PCDHA1: variants seen among roughly 807,000 people sequenced by gnomAD.
PCDHA1 encodes the protein protocadherin alpha 1.
PCDHA1 carries 42 observed loss-of-function variants against 61.3 expected under a neutral mutation model. That is an observed-to-expected ratio of 0.69 (90% CI 0.54 to 0.89). The LOEUF (loss-of-function observed/expected upper bound fraction) is 0.89, where lower values mean the gene tolerates loss of function less well. PCDHA1 is among the 40% of genes least tolerant of loss of function. The probability of loss-of-function intolerance (pLI) is 0.00; values close to 1 mark genes in which losing one functional copy is unlikely to be tolerated. For synonymous variants in PCDHA1, 610 were observed against 553.8 expected, an observed-to-expected ratio of 1.10 and a Z score of -1.43; for missense variants, 1,256 against 1,235.3, an observed-to-expected ratio of 1.02 and a Z score of -0.25.
chr5:140,929,931 A>G (rs2086483535), intron 1 of PCDHA1: 1 of 152,250 alleles, frequency 6.6e-6, no homozygotes, highest in Non-Finnish European at 1.5e-5. Flanking sequence ...AAAACAGTGT[A>G]TTCTCTAGCC....
chr5:140,861,487 G>A, intron 1 of PCDHA1: 1 of 490,310 alleles, frequency 2.0e-6, no homozygotes, highest in Non-Finnish European at 4.2e-6. Context: ...ATTTTTGTGA[G>A]TTCTCTGATA....
At chr5:140,884,722 T>C in intron 1 of PCDHA1, 2 of 1,460,382 alleles carry the variant, frequency 1.4e-6, no homozygotes, top group South Asian at 3.0e-5. Flanking sequence ...TGCAGTTGTT[T>C]GTTTAAGACA....
chr5:140,799,512 A>C (rs1554120958), intron 1 of PCDHA1, among the ~76,000 whole-genome samples: 1 of 151,978 alleles, frequency 6.6e-6, no homozygotes, highest in African/African-American at 2.4e-5. Flanking sequence ...ATAATGCTTA[A>C]ATGTTTACTT....
At chr5:140,924,588 T>C (rs2081910916) in intron 1 of PCDHA1, among the ~76,000 whole-genome samples, 1 of 152,212 alleles carries the variant, frequency 6.6e-6, no homozygotes, top group East Asian at 1.9e-4. Context: ...TCAAATATTA[T>C]AGAAATATGC....
intron 1 of PCDHA1, chr5:140,865,001 C>T (rs185152337): frequency 6.6e-6 from 1 of 152,206 alleles, no homozygotes; most frequent in East Asian, 1.9e-4. Flanking sequence ...AGTTTGAGAC[C>T]AGCCTCGGCA....
intron 1 of PCDHA1, among the ~76,000 whole-genome samples, chr5:140,904,137 G>A (rs2070857554): frequency 6.6e-6 from 1 of 152,040 alleles, no homozygotes; most frequent in African/African-American, 2.4e-5. Context: ...CATCACCCGA[G>A]CAGTATACAT....
intron 1 of PCDHA1, chr5:140,884,110 G>A: frequency 6.2e-7 from 1 of 1,613,438 alleles, no homozygotes; most frequent in Non-Finnish European, 8.5e-7. Flanking sequence ...TGCAGCTGGC[G>A]GCGGTCGGCG....
chr5:140,996,136 C>A (rs1484642740), intron 3 of PCDHA1, among the ~76,000 whole-genome samples: 1 of 152,104 alleles, frequency 6.6e-6, no homozygotes, highest in African/African-American at 2.4e-5. Context: ...GAGGGTTCTC[C>A]CATTATCTTG....
chr5:140,966,453 C>G, intron 1 of PCDHA1: 1 of 426,310 alleles, frequency 2.3e-6, no homozygotes, highest in Non-Finnish European at 4.1e-6. Flanking sequence ...TTCCCCCTCC[C>G]CCTCTGTCTT....
At chr5:140,964,015 A>G (rs1466689123) in intron 1 of PCDHA1, among the ~76,000 whole-genome samples, 1 of 152,178 alleles carries the variant, frequency 6.6e-6, no homozygotes. Context: ...TTTAATAGAG[A>G]GCTCTTGAAG....
intron 1 of PCDHA1, among the ~76,000 whole-genome samples, chr5:140,950,519 A>G (rs1359001168): frequency 6.6e-6 from 1 of 152,034 alleles, no homozygotes; most frequent in Non-Finnish European, 1.5e-5. Flanking sequence ...TGTGTGCGAT[A>G]TGATTGTTTT....
chr5:140,884,409 C>T, intron 1 of PCDHA1: 4 of 1,613,992 alleles, frequency 2.5e-6, no homozygotes, highest in Non-Finnish European at 3.4e-6. Context: ...TTGGTGCTCA[C>T]GTTGCTGCTG....
rs2150374915 is a variant in PCDHA1 at position 140,844,901 on chromosome 5, G to T, written c.2394+56217G>T. 3.1e-4 allele frequency among the ~76,000 whole-genome samples: 47 copies of T among 149,514 alleles called. 3 individuals are homozygous for T. The highest frequency in any genetic ancestry group is 1.0e-3 in the African/African-American group (41 of 40,888). ...TAGACTTCGTGCATATTGCTTTGGA[G>T]AGAATGGTAGAAATTGATGGAAGGG... On this transcript the variant is annotated intron_variant, in intron 1 of 3. Coordinates refer to ENST00000504120, the MANE Select transcript of PCDHA1 (RefSeq NM_018900.4).
rs374697403 is a variant in PCDHA1 at position 140,805,171 on chromosome 5, A to C, written c.2394+16487A>C. 5.5e-5 allele frequency: 84 copies of C among 1,514,604 alleles called. No homozygotes were observed. In the East Asian group the frequency reaches 9.4e-4, roughly 17 times the overall value. The allele number at this position is 1,514,604 out of a possible 1,614,324, so 93.8% of individuals were successfully genotyped here. On this transcript the variant is annotated intron_variant, in intron 1 of 3. Coordinates refer to ENST00000504120, the MANE Select transcript of PCDHA1 (RefSeq NM_018900.4). ...GAATTTTCACTTCACAGATGTACTGATGCTATGCCAAATAAATATTGAATA... is the reference window on the plus strand; with the variant it reads ...GAATTTTCACTTCACAGATGTACTGCTGCTATGCCAAATAAATATTGAATA...
Position 140,787,667 on chromosome 5 carries a change from G to A in PCDHA1, c.1377G>A (p.Glu459=), listed in dbSNP as rs1554117927. Residue 459 remains glutamate, a synonymous_variant, in exon 1 of 4, where the codon GAG becomes GAA. Coordinates refer to ENST00000504120, the MANE Select transcript of PCDHA1 (RefSeq NM_018900.4). ...ACGCGCCTGCGTTCGCGCAGCCCGA[G>A]TACACAGTATTCGTGAAGGAGAACA... ...NDNAPAFAQP[E]YTVFVKENNP... is the part of the protein sequence containing the mutation. 3 of 1,613,920 alleles carry A rather than the reference G, an allele frequency of 1.9e-6. No homozygotes were observed. Among genetic ancestry groups the A allele is most frequent in the East Asian group, 2.2e-5 (1 of 44,850 alleles).
At chr5:140,817,228 C>G (rs1308715017) in intron 1 of PCDHA1, 1 of 152,288 alleles carries the variant, frequency 6.6e-6, no homozygotes, top group Non-Finnish European at 1.5e-5. Flanking sequence ...TTTCCCTTCT[C>G]AGGGAGAAGA....
chr5:140,915,606 C>A (rs2077190807), intron 1 of PCDHA1, among the ~76,000 whole-genome samples: 1 of 150,452 alleles, frequency 6.6e-6, no homozygotes, highest in African/African-American at 2.5e-5. Context: ...CCCTTACTTT[C>A]TGTCAAACAG....
chr5:140,972,130 TTAC>T (rs1424151392), intron 1 of PCDHA1, among the ~76,000 whole-genome samples: 1 of 152,022 alleles, frequency 6.6e-6, no homozygotes, highest in Non-Finnish European at 1.5e-5. Flanking sequence ...TATCAGTGAG[TTAC>T]TACTATTTTT....
chr5:140,877,652 C>G (rs1456022709), intron 1 of PCDHA1: 1 of 1,613,520 alleles, frequency 6.2e-7, no homozygotes, highest in Non-Finnish European at 8.5e-7. Context: ...TCAGCGCCGC[C>G]CACCGTGAGC....
Sources: allele counts gnomAD v4.1 joint callset (sites outside exome capture counted in the v4.1 genomes callset), GRCh38; gene constraint gnomAD v4.1.1; transcripts MANE v1.5; gene names NCBI Gene and HGNC (gene_info 2026-07-23, HGNC 2026-07-21).